Variants in NRG3 observed in about 807,000 individuals in gnomAD.
The protein encoded by NRG3 is neuregulin 3.
A neutral mutation model predicts 66.9 loss-of-function variants in NRG3; 31 were observed. The observed-to-expected ratio is 0.46, with a 90% CI of 0.35 to 0.63. The LOEUF (loss-of-function observed/expected upper bound fraction) is 0.63, where lower values mean the gene tolerates loss of function less well. Among genes scored for constraint, NRG3 ranks in the 20% least tolerant of loss-of-function variants. The pLI is 0.00. For missense variants in NRG3, 910 were observed against 878.9 expected (o/e 1.04, Z -0.45); for synonymous variants, 393 against 359.4 (o/e 1.09, Z -1.06).
At chr10:82,276,036 T>C (rs1263315190) in intron 1 of NRG3, among the ~76,000 whole-genome samples, 2 of 152,056 alleles carry the variant, frequency 1.3e-5, no homozygotes, top group Non-Finnish European at 2.9e-5. Context: ...TCATACATAC[T>C]GTGCATAGGA....
At chr10:82,061,512 G>C (rs1047317839) in intron 1 of NRG3, among the ~76,000 whole-genome samples, 14 of 152,066 alleles carry the variant, frequency 9.2e-5, no homozygotes, top group Non-Finnish European at 2.1e-4. Context: ...TTCCACCTTG[G>C]ATGTTCTCCT....
intron 2 of NRG3, among the ~76,000 whole-genome samples, chr10:82,703,095 T>G (rs894563924): frequency 6.6e-6 from 1 of 152,052 alleles, no homozygotes. Flanking sequence ...TCTTTTTCTT[T>G]CTTACTGGCA....
chr10:82,398,230 T>C (rs1326852770), intron 2 of NRG3, among the ~76,000 whole-genome samples: 2 of 152,114 alleles, frequency 1.3e-5, no homozygotes, highest in Non-Finnish European at 2.9e-5. Context: ...AGCTAGACTA[T>C]GGGGAGAGAA....
At chr10:82,642,941 A>G (rs573997842) in intron 2 of NRG3, among the ~76,000 whole-genome samples, 1 of 152,184 alleles carries the variant, frequency 6.6e-6, no homozygotes. Flanking sequence ...ATAGAAATAG[A>G]TCCTGAAAAA....
intron 1 of NRG3, among the ~76,000 whole-genome samples, chr10:81,895,932 G>A (rs375294353): frequency 6.6e-6 from 1 of 152,098 alleles, no homozygotes; most frequent in African/African-American, 2.4e-5. Flanking sequence ...GGAACTGGGG[G>A]CACATTGAAA....
At chr10:82,801,505 G>A (rs2061037383) in intron 3 of NRG3, among the ~76,000 whole-genome samples, 1 of 152,212 alleles carries the variant, frequency 6.6e-6, no homozygotes, top group South Asian at 2.1e-4. Context: ...ATGAATTACA[G>A]CCATCAAGCT....
chr10:82,608,056 TCA>T lies in NRG3; in HGVS notation c.954-130520_954-130519del, dbSNP rs199913595. Among the ~76,000 whole-genome samples the T allele has an allele frequency of 9.6e-4, 146 of 152,302 alleles. 2 individuals carry two copies. The East Asian group carries it at 0.028, about 29-fold the overall frequency. On this transcript the variant is annotated intron_variant, in intron 2 of 8. Coordinates refer to ENST00000372141, the MANE Select transcript of NRG3 (RefSeq NM_001010848.4). ...TGCTCTTCCCTTCTTTTTATAGATC[TCA>T]GTTTCTGACTTATACCATGTAAGTT...
intron 6 of NRG3, among the ~76,000 whole-genome samples, chr10:82,963,599 G>T (rs1185034344): frequency 6.6e-6 from 1 of 152,158 alleles, no homozygotes; most frequent in African/African-American, 2.4e-5. Context: ...AGAATTACGT[G>T]AACCCAGGAG....
At chr10:82,245,851 A>G (rs1020467970) in intron 1 of NRG3, among the ~76,000 whole-genome samples, 1 of 151,948 alleles carries the variant, frequency 6.6e-6, no homozygotes, top group Non-Finnish European at 1.5e-5. Context: ...TCAAAGATTT[A>G]TTTCGGCATT....
intron 1 of NRG3, among the ~76,000 whole-genome samples, chr10:82,000,772 A>T (rs2061130847): frequency 6.6e-6 from 1 of 152,212 alleles, no homozygotes; most frequent in Non-Finnish European, 1.5e-5. Context: ...TTTACTTAAT[A>T]GGCAGCTTGA....
Position 82,200,735 on chromosome 10 carries a change from C to T in NRG3, c.824-158004C>T, listed in dbSNP as rs372028634. On this transcript the variant is annotated intron_variant, in intron 1 of 8. Transcript: ENST00000372141. The stretch of plus-strand genomic sequence containing the variant: ...TTACTCTCCGAAGGCCTTTCTCTTT[C>T]TTTATCCTCTGAAGTAAAGCTGAGG... Among the ~76,000 whole-genome samples, 348 of 152,248 alleles carry T rather than the reference C, an allele frequency of 2.3e-3. 2 individuals are homozygous for T. Among genetic ancestry groups the T allele is most frequent in the African/African-American group, 7.9e-3 (329 of 41,544 alleles).
At chr10:82,780,996 G>A (rs2060098814) in intron 3 of NRG3, among the ~76,000 whole-genome samples, 1 of 152,158 alleles carries the variant, frequency 6.6e-6, no homozygotes, top group Admixed American at 6.5e-5. Context: ...TCAATAAAGG[G>A]AGGAAGGGTC....
At chr10:82,839,834 A>T (rs1415226240) in intron 3 of NRG3, among the ~76,000 whole-genome samples, 2 of 152,132 alleles carry the variant, frequency 1.3e-5, no homozygotes, top group Non-Finnish European at 2.9e-5. Flanking sequence ...TAATTATATT[A>T]AAAATTAAGT....
chr10:82,744,012 A>G (rs934104278), intron 3 of NRG3, among the ~76,000 whole-genome samples: 2 of 152,182 alleles, frequency 1.3e-5, no homozygotes, highest in Non-Finnish European at 2.9e-5. Context: ...TTGGCAAAGC[A>G]CAGTTTATTT....
chr10:82,004,748 T>C (rs6584459), intron 1 of NRG3, among the ~76,000 whole-genome samples: 147,449 of 152,266 alleles, frequency 0.97, 71,427 homozygotes, highest in East Asian at 1. Context: ...TCCAGTATGA[T>C]CAGAGCCTGT....
chr10:82,384,399 T>G (rs970885427), intron 2 of NRG3, among the ~76,000 whole-genome samples: 1 of 152,154 alleles, frequency 6.6e-6, no homozygotes, highest in Admixed American at 6.5e-5. Flanking sequence ...CAGAATCCAT[T>G]AGCTATTCTT....
At chr10:82,487,746 A>G (rs1303003940) in intron 2 of NRG3, among the ~76,000 whole-genome samples, 1 of 152,246 alleles carries the variant, frequency 6.6e-6, no homozygotes, top group Non-Finnish European at 1.5e-5. Context: ...CAGATCAGAT[A>G]TAGAAACACA....
At chr10:82,255,729 A>G (rs1397094163) in intron 1 of NRG3, among the ~76,000 whole-genome samples, 1 of 151,966 alleles carries the variant, frequency 6.6e-6, no homozygotes, top group Non-Finnish European at 1.5e-5. Flanking sequence ...CAGCCTCCCA[A>G]GTAGCTGGGA....
At chr10:82,133,367 G>A (rs2069080877) in intron 1 of NRG3, among the ~76,000 whole-genome samples, 1 of 152,080 alleles carries the variant, frequency 6.6e-6, no homozygotes, top group Non-Finnish European at 1.5e-5. Context: ...CAGGAATTAA[G>A]TCCCATACCC....
Sources: gnomAD v4.1 joint callset for allele counts (sites outside exome capture counted in the v4.1 genomes callset) on GRCh38, gnomAD v4.1.1 for gene constraint, MANE v1.5 for transcripts, NCBI Gene and HGNC (gene_info 2026-07-23, HGNC 2026-07-21) for gene names.